SNX8: variants seen among roughly 807,000 people sequenced by gnomAD.
The protein encoded by SNX8 is sorting nexin-8.
A neutral mutation model predicts 51.6 loss-of-function variants in SNX8; 25 were observed. The ratio of observed to expected loss-of-function variants is 0.48; its 90% CI spans 0.35 to 0.68. SNX8 has a LOEUF of 0.68. Ranked by LOEUF, SNX8 falls within the 30% of genes least tolerant of loss-of-function variation. The pLI is 0.00. For missense variants in SNX8, 695 were observed against 624.0 expected, an observed-to-expected ratio of 1.11 and a Z score of -1.21; for synonymous variants, 324 against 277.0, an observed-to-expected ratio of 1.17 and a Z score of -1.68.
chr7:2,264,560 C>A (rs1379702279), intron 5 of SNX8, 102 bp from the exon 6 acceptor site: 16 of 1,156,992 alleles, frequency 1.4e-5, no homozygotes, highest in Non-Finnish European at 1.9e-5. Flanking sequence ...GGAGACACAG[C>A]AGGTCCATGA....
At chr7:2,339,559 A>T (rs1251990494) in intron 1 of SNX8, among the ~76,000 whole-genome samples, 1 of 152,170 alleles carries the variant, frequency 6.6e-6, no homozygotes, top group Non-Finnish European at 1.5e-5. Context: ...CAGATAGCAA[A>T]GATTCAATAT....
At chr7:2,283,189 T>C (rs868109341) in intron 1 of SNX8, among the ~76,000 whole-genome samples, 12 of 151,606 alleles carry the variant, frequency 7.9e-5, no homozygotes, top group African/African-American at 1.7e-4. Context: ...TCCCCCTTCA[T>C]TGAAGCACAC....
intron 1 of SNX8, among the ~76,000 whole-genome samples, chr7:2,351,701 G>T (rs1019678435): frequency 6.6e-6 from 1 of 151,316 alleles, no homozygotes; most frequent in Non-Finnish European, 1.5e-5. Flanking sequence ...TGTGGTGGCA[G>T]GCGCCTGTAG....
At position 2,271,857 on chromosome 7, in the gene SNX8, C is replaced by G. The variant is rs1382708374; in HGVS notation, c.533G>C (p.Ser178Thr). 6.2e-7 allele frequency: 1 copy of G among 1,608,804 alleles called. No homozygotes were observed. Among genetic ancestry groups the G allele is most frequent in the Non-Finnish European group, 8.5e-7 (1 of 1,177,868 alleles). The part of the protein sequence containing the change: ...DVVLKLFLSF[S>T]GSDVQNKLKE... ...CAGGGCAGACACACTCACCGAGCCG[C>G]TGAAGGACAGGAAGAGCTTGAGGAC... The change falls in exon 4 of 11, where the codon AGC becomes ACC. Residue 178 changes from serine (S) to threonine (T), a missense_variant. Ser to Thr is a moderately conservative substitution (Grantham distance 58). Transcript: ENST00000222990.
chr7:2,327,350 C>T (rs1778640558), intron 1 of SNX8, among the ~76,000 whole-genome samples: 1 of 152,038 alleles, frequency 6.6e-6, no homozygotes, highest in Non-Finnish European at 1.5e-5. Context: ...CGCCATTCTC[C>T]TGCCTAAGCC....
At chr7:2,284,382 A>G (rs1795973597) in intron 1 of SNX8, among the ~76,000 whole-genome samples, 1 of 143,976 alleles carries the variant, frequency 6.9e-6, no homozygotes, top group Non-Finnish European at 1.5e-5. Flanking sequence ...GTTCATAAAC[A>G]CTGCTTTTAT....
rs151217541 is a variant in SNX8 at position 2,293,998 on chromosome 7, T to C, written c.95-15693A>G. Among the ~76,000 whole-genome samples, 580 of 147,470 alleles carry C rather than the reference T, an allele frequency of 3.9e-3. 1 individual carries two copies. The highest frequency in any genetic ancestry group is 0.014 in the African/African-American group (544 of 39,556). On this transcript the variant is annotated intron_variant, in intron 1 of 10. Coordinates refer to ENST00000222990, the MANE Select transcript of SNX8 (RefSeq NM_013321.4). ...AAAAATAGAGGCTGAGCGCAGTGGC[T>C]CATGCCTGTAATCCCAGCACTTTGG...
At chr7:2,315,766 A>ACATT (rs1178855433), upstream of SNX8, among the ~76,000 whole-genome samples, 2 of 121,656 alleles carry the variant, frequency 1.6e-5, no homozygotes, top group Non-Finnish European at 3.4e-5. Flanking sequence ...ACTGCATCCT[A>ACATT]CATTCATTCA....
intron 5 of SNX8, among the ~76,000 whole-genome samples, chr7:2,264,698 C>G (rs1425306373): frequency 6.6e-6 from 1 of 152,204 alleles, no homozygotes; most frequent in South Asian, 2.1e-4. Context: ...ATGAGGACCA[C>G]AGAGTCCACT....
intron 3 of SNX8, chr7:2,274,850 C>G: frequency 2.1e-6 from 1 of 478,070 alleles, no homozygotes. Context: ...TCTTTCACAC[C>G]TGCACAGCAA....
intron 1 of SNX8, among the ~76,000 whole-genome samples, chr7:2,321,099 G>C (rs966097397): frequency 6.6e-6 from 1 of 152,010 alleles, no homozygotes; most frequent in African/African-American, 2.4e-5. Flanking sequence ...GGGACAGCCA[G>C]ACAAGGTCTC....
At chr7:2,256,109 A>C (rs756135340) in intron 10 of SNX8, among the ~76,000 whole-genome samples, 2 of 152,228 alleles carry the variant, frequency 1.3e-5, no homozygotes, top group Non-Finnish European at 1.5e-5. Flanking sequence ...GTCCAAGTCC[A>C]ACCTGGTCCC....
intron 5 of SNX8, among the ~76,000 whole-genome samples, chr7:2,268,273 C>CAT (rs1355398291): frequency 1.4e-5 from 2 of 138,146 alleles, no homozygotes; most frequent in African/African-American, 6.1e-5. Flanking sequence ...CCCGGCCGCC[C>CAT]CGTCTGAGAA....
chr7:2,315,288 TCA>T (rs1796736076), upstream of SNX8, among the ~76,000 whole-genome samples: 2 of 150,438 alleles, frequency 1.3e-5, no homozygotes, highest in African/African-American at 2.5e-5. Context: ...ACTCACCCAC[TCA>T]CTCACTGCAT....
intron 1 of SNX8, among the ~76,000 whole-genome samples, chr7:2,338,261 G>T (rs1778865987): frequency 6.6e-6 from 1 of 152,004 alleles, no homozygotes; most frequent in Non-Finnish European, 1.5e-5. Context: ...AGGAGATCAA[G>T]ACCATCCTGG....
chr7:2,285,798 C>A (rs1796013522), intron 1 of SNX8, among the ~76,000 whole-genome samples: 1 of 152,076 alleles, frequency 6.6e-6, no homozygotes, highest in Non-Finnish European at 1.5e-5. Flanking sequence ...TCCCAAGTAG[C>A]TGGAACTATA....
chr7:2,297,744 T>C (rs993447113), intron 1 of SNX8, among the ~76,000 whole-genome samples: 8 of 151,658 alleles, frequency 5.3e-5, no homozygotes, highest in African/African-American at 1.7e-4. Context: ...TGCAGCAACT[T>C]GGATGAGACT....
intron 1 of SNX8, among the ~76,000 whole-genome samples, chr7:2,294,896 G>A (rs1029470562): frequency 1.3e-5 from 2 of 152,100 alleles, no homozygotes; most frequent in African/African-American, 4.8e-5. Flanking sequence ...CAGGCATGGT[G>A]GTGCACACCT....
Position 2,269,636 on chromosome 7 carries a change from C to T in SNX8, c.544G>A (p.Val182Met), listed in dbSNP as rs199551014. ...KLFLSFSGSD[V>M]QNKLKESAQC... ...GCTGACTCCTTTAACTTGTTCTGCACATCCTGCAAAAGGAAAACACACAGC... is the reference window on the plus strand; with the variant it reads ...GCTGACTCCTTTAACTTGTTCTGCATATCCTGCAAAAGGAAAACACACAGC... The change falls in exon 5 of 11, where the codon GTG (valine) becomes ATG (methionine). Residue 182 changes from valine to methionine, a missense_variant. Coordinates refer to ENST00000222990, the MANE Select transcript of SNX8 (RefSeq NM_013321.4). 10 of 1,595,312 alleles carry T rather than the reference C, an allele frequency of 6.3e-6. No homozygotes were observed. In the Admixed American group the frequency reaches 1.4e-4, roughly 22 times the overall value.
Sources: allele counts gnomAD v4.1 joint callset (sites outside exome capture counted in the v4.1 genomes callset), GRCh38; gene constraint gnomAD v4.1.1; transcripts MANE v1.5; gene names NCBI Gene and HGNC (gene_info 2026-07-23, HGNC 2026-07-21).